The following SOX6 variants were observed in gnomAD, a reference collection of about 807,000 sequenced individuals.
SOX6 encodes the protein transcription factor SOX-6.
SOX6 carries 11 observed loss-of-function variants against 97.8 expected under a neutral mutation model. The ratio of observed to expected loss-of-function variants is 0.11; its 90% CI spans 0.07 to 0.19. The LOEUF (loss-of-function observed/expected upper bound fraction) is 0.19. Ranked by LOEUF, SOX6 falls within the 10% of genes least tolerant of loss-of-function variation. SOX6 has a pLI of 1.00. For missense variants in SOX6, 810 were observed against 1,039.5 expected, an observed-to-expected ratio of 0.78 and a Z score of 3.04; for synonymous variants, 360 against 371.4, an observed-to-expected ratio of 0.97 and a Z score of 0.35.
intron 1 of SOX6, chr11:16,434,099 T>C (rs1000423115): frequency 3.3e-5 from 5 of 152,052 alleles, no homozygotes; most frequent in African/African-American, 1.2e-4. Flanking sequence ...TTATAAATAT[T>C]AATTATATTT....
chr11:16,718,488 G>C (rs1384985138), intron 2 of SOX6, among the ~76,000 whole-genome samples: 1 of 152,064 alleles, frequency 6.6e-6, no homozygotes, highest in Non-Finnish European at 1.5e-5. Flanking sequence ...CCCTCTTCAG[G>C]AATGCTGAAA....
At chr11:16,483,948 G>A (rs1860389365) in intron 4 of SOX6, 4 of 860,338 alleles carry the variant, frequency 4.6e-6, no homozygotes, top group Non-Finnish European at 6.0e-6. Flanking sequence ...TCAGGACCTG[G>A]GCTGTAGTTT....
In SOX6 at chr11:16,675,476, C is replaced by T. The variant is rs997397537; in HGVS notation, n.429+39354G>A. Among the ~76,000 whole-genome samples the T allele has an allele frequency of 2.0e-5, 3 of 152,138 alleles. No individual in the cohort carries two copies. The East Asian group carries it at 5.8e-4, about 29-fold the overall frequency. On this transcript the variant is annotated intron_variant and non_coding_transcript_variant, in intron 3 of 5. Transcript: ENST00000524520. ...ATAGATATACAATTATTGGTTTATG[C>T]TATTATCTTTTAAAAGTTTAGAAAA...
At chr11:16,344,151 A>G (rs1238315342) in intron 1 of SOX6, among the ~76,000 whole-genome samples, 1 of 151,898 alleles carries the variant, frequency 6.6e-6, no homozygotes, top group Admixed American at 6.6e-5. Flanking sequence ...GGTGAAAAAG[A>G]TGGGTTTTGT....
chr11:16,514,530 TTG>T (rs1860932895), intron 4 of SOX6, among the ~76,000 whole-genome samples: 2 of 152,046 alleles, frequency 1.3e-5, no homozygotes, highest in Admixed American at 1.3e-4. Flanking sequence ...ATAATATTTA[TTG>T]TGTCAGAGTT....
chr11:16,456,527 C>G (rs928519651), intron 1 of SOX6, among the ~76,000 whole-genome samples: 2 of 152,098 alleles, frequency 1.3e-5, no homozygotes, highest in Non-Finnish European at 2.9e-5. Flanking sequence ...GTGAAAGGAG[C>G]AGATGAAGTC....
chr11:15,995,327 T>G (rs1854190865), intron 13 of SOX6, among the ~76,000 whole-genome samples: 1 of 152,110 alleles, frequency 6.6e-6, no homozygotes, highest in South Asian at 2.1e-4. Flanking sequence ...GGATTTGCCC[T>G]AAGACTAAAA....
chr11:16,561,634 T>G (rs990591862), intron 4 of SOX6, among the ~76,000 whole-genome samples: 37 of 152,278 alleles, frequency 2.4e-4, no homozygotes, highest in Middle Eastern at 6.8e-3. Context: ...CAGATTATAG[T>G]TTATGGCAGG....
intron 4 of SOX6, among the ~76,000 whole-genome samples, chr11:16,540,766 G>C (rs1861393644): frequency 6.6e-6 from 1 of 152,134 alleles, no homozygotes; most frequent in Non-Finnish European, 1.5e-5. Context: ...ACTTACAAGG[G>C]ATGTGAAGGA....
chr11:16,379,691 T>C (rs1442885064), intron 1 of SOX6, among the ~76,000 whole-genome samples: 1 of 152,066 alleles, frequency 6.6e-6, no homozygotes, highest in Non-Finnish European at 1.5e-5. Flanking sequence ...ATTTTGGCAA[T>C]AGGAATCAAA....
chr11:16,572,631 CT>C (rs574053027), intron 4 of SOX6, among the ~76,000 whole-genome samples: 169 of 152,258 alleles, frequency 1.1e-3, no homozygotes, highest in African/African-American at 3.9e-3. Flanking sequence ...ACTCCTGAAA[CT>C]TTATAATAGA....
intron 4 of SOX6, among the ~76,000 whole-genome samples, chr11:16,603,466 G>C (rs1848295364): frequency 1.3e-5 from 2 of 152,090 alleles, no homozygotes; most frequent in South Asian, 2.1e-4. Context: ...GCTAGGCCTG[G>C]AGGGGGAAAC....
intron 4 of SOX6, among the ~76,000 whole-genome samples, chr11:16,491,958 A>G (rs1274059581): frequency 1.3e-5 from 2 of 152,184 alleles, no homozygotes; most frequent in Non-Finnish European, 2.9e-5. Flanking sequence ...TGAACACCTT[A>G]AAGTTATATA....
intron 4 of SOX6, among the ~76,000 whole-genome samples, chr11:16,551,816 G>A (rs967258654): frequency 2.6e-5 from 4 of 151,888 alleles, no homozygotes; most frequent in African/African-American, 9.7e-5. Context: ...TGTTGGCAAG[G>A]CTGGTCTTGA....
At chr11:16,039,075 A>G (rs984235881) in intron 12 of SOX6, among the ~76,000 whole-genome samples, 4 of 152,138 alleles carry the variant, frequency 2.6e-5, no homozygotes, top group Admixed American at 1.3e-4. Context: ...GCCATCCTTT[A>G]GCAATTAGGT....
chr11:16,447,866 T>A (rs1265659642), intron 1 of SOX6, among the ~76,000 whole-genome samples: 1 of 152,170 alleles, frequency 6.6e-6, no homozygotes, highest in East Asian at 1.9e-4. Context: ...ATATAAGTGG[T>A]TGTATTCACT....
chr11:16,302,249 T>C (rs1855279580), intron 3 of SOX6, among the ~76,000 whole-genome samples: 1 of 152,196 alleles, frequency 6.6e-6, no homozygotes, highest in Non-Finnish European at 1.5e-5. Flanking sequence ...ATCCTCCTAC[T>C]TAAAAGTTCT....
At chr11:16,595,042 G>C (rs1451168482) in intron 4 of SOX6, among the ~76,000 whole-genome samples, 1 of 152,130 alleles carries the variant, frequency 6.6e-6, no homozygotes, top group African/African-American at 2.4e-5. Context: ...AAAGGAAGAT[G>C]TTCTTTAAAT....
intron 1 of SOX6, among the ~76,000 whole-genome samples, chr11:16,737,201 A>ATTATTTAT (rs757138475): frequency 6.6e-5 from 10 of 152,040 alleles, no homozygotes; most frequent in Middle Eastern, 3.4e-3. Flanking sequence ...CATACCACTT[A>ATTATTTAT]TTATTTATTT....
Sources: allele counts gnomAD v4.1 joint callset (sites outside exome capture counted in the v4.1 genomes callset), GRCh38; gene constraint gnomAD v4.1.1; transcripts MANE v1.5; gene names NCBI Gene and HGNC (gene_info 2026-07-23, HGNC 2026-07-21).